The following VPS8 variants were observed in gnomAD, a reference collection of about 807,000 sequenced individuals.
VPS8 encodes vacuolar protein sorting-associated protein 8 homolog.
VPS8 carries 129 observed loss-of-function variants against 216.4 expected under a neutral mutation model. That is an observed-to-expected ratio of 0.60 (90% CI 0.52 to 0.69). The LOEUF (loss-of-function observed/expected upper bound fraction) is 0.69. Ranked by LOEUF, VPS8 falls within the 30% of genes least tolerant of loss-of-function variation. The pLI is 0.00. For synonymous variants in VPS8, 571 were observed against 565.4 expected, an observed-to-expected ratio of 1.01 and a Z score of -0.14; for missense variants, 1,531 against 1,683.5, an observed-to-expected ratio of 0.91 and a Z score of 1.59.
chr3:184,862,348 A>G (rs1382912370), intron 15 of VPS8, among the ~76,000 whole-genome samples: 1 of 152,206 alleles, frequency 6.6e-6, no homozygotes, highest in Non-Finnish European at 1.5e-5. Flanking sequence ...TACTTTTAAC[A>G]TTATAATAGT....
intron 15 of VPS8, among the ~76,000 whole-genome samples, chr3:184,860,371 G>A (rs1173632772): frequency 4.6e-5 from 7 of 150,976 alleles, no homozygotes; most frequent in Admixed American, 6.6e-5. Flanking sequence ...ATATGTGTGT[G>A]TGTATATATA....
chr3:184,842,112 G>T (rs1041980749), intron 7 of VPS8, among the ~76,000 whole-genome samples: 2 of 148,366 alleles, frequency 1.3e-5, no homozygotes, highest in Non-Finnish European at 3.0e-5. Flanking sequence ...GCGTGAACCC[G>T]GGAGGCGGAG....
rs879016009 is a variant in VPS8 at position 184,924,786 on chromosome 3, G to A, written c.2455-76G>A. ...GCGTCTTCAGTCATGAGGCTATCCC[G>A]TCTTCTAATTGTATTTTTTTTTTTT... On this transcript the variant is annotated intron_variant, in intron 29 of 47. Transcript: ENST00000625842. The A allele has an allele frequency of 2.6e-4, 381 of 1,459,890 alleles. 1 individual carries two copies. The highest frequency in any genetic ancestry group is 3.1e-4 in the Non-Finnish European group (341 of 1,113,378). The allele number at this position is 1,459,890 out of a possible 1,614,324, so 90.4% of individuals were successfully genotyped here.
chr3:184,957,217 T>G (rs1176697833), intron 36 of VPS8, among the ~76,000 whole-genome samples, 157 bp from the exon 37 acceptor site: 1 of 152,236 alleles, frequency 6.6e-6, no homozygotes, highest in Non-Finnish European at 1.5e-5. Context: ...TTTGCTCAAG[T>G]AACCTAAATA....
intron 42 of VPS8, among the ~76,000 whole-genome samples, chr3:184,984,312 T>G (rs1356479672): frequency 3.9e-5 from 4 of 102,636 alleles, no homozygotes; most frequent in East Asian, 3.1e-4. Context: ...TTTTTTTTTT[T>G]GAGACAGTTT....
At position 184,966,717 on chromosome 3, in the gene VPS8, A is replaced by G; in HGVS notation, c.3316+4A>G. 1 of 1,580,040 alleles carries G rather than the reference A, an allele frequency of 6.3e-7. No homozygotes were observed. Among genetic ancestry groups the G allele is most frequent in the South Asian group, 1.2e-5 (1 of 84,592 alleles). On this transcript the variant is annotated splice_donor_region_variant and intron_variant, in intron 39 of 47. Transcript: ENST00000625842. ...GAGGTAACACATCAAGGTGAAAGTA[A>G]GTTCTTGAAAATAATTACAACATTT...
chr3:184,983,032 C>A lies in VPS8; in HGVS notation c.3523C>A (p.Gln1175Lys). The A allele has an allele frequency of 1.2e-6, 2 of 1,607,740 alleles. No individual in the cohort carries two copies. Among genetic ancestry groups the A allele is most frequent in the East Asian group, 2.2e-5 (1 of 44,706 alleles). ...HSEALKSLTM[Q>K]VLNSMAAFIA... is the part of the protein sequence containing the mutation. ...AACAGCTCTGAAGTCTTTGACCATG[C>A]AAGTTTTAAATAGCATGGCAGCATT... The change falls in exon 42 of 48, where the codon CAA becomes AAA. Residue 1175 changes from glutamine to lysine, a missense_variant. By Grantham distance (53) the Gln-to-Lys change is moderately conservative. Around this residue, in one of 3 missense-constraint regions of VPS8, gnomAD observed 1,318 missense variants for 1,468.4 expected, o/e 0.90. Transcript: ENST00000625842.
At chr3:185,013,898 C>G (rs1418430169) in intron 45 of VPS8, among the ~76,000 whole-genome samples, 1 of 152,228 alleles carries the variant, frequency 6.6e-6, no homozygotes, top group Non-Finnish European at 1.5e-5. Context: ...AATCGTTGTG[C>G]AGCACCTCTG....
intron 42 of VPS8, among the ~76,000 whole-genome samples, chr3:184,990,557 C>T (rs970571521): frequency 2.0e-5 from 3 of 152,124 alleles, no homozygotes; most frequent in Non-Finnish European, 2.9e-5. Context: ...GCAGATTGAG[C>T]TGGGGATGTA....
At chr3:184,972,687 A>G (rs1199626908) in intron 40 of VPS8, among the ~76,000 whole-genome samples, 1 of 152,248 alleles carries the variant, frequency 6.6e-6, no homozygotes, top group Non-Finnish European at 1.5e-5. Flanking sequence ...GCACAAAAGA[A>G]GAAAACAAAA....
intron 45 of VPS8, among the ~76,000 whole-genome samples, chr3:185,017,641 C>T (rs1420356004): frequency 6.6e-6 from 1 of 152,158 alleles, no homozygotes; most frequent in Non-Finnish European, 1.5e-5. Flanking sequence ...AAAAGTAATC[C>T]TATCGTCCCC....
At chr3:184,847,026 A>T (rs1225522960) in intron 8 of VPS8, among the ~76,000 whole-genome samples, 1 of 152,224 alleles carries the variant, frequency 6.6e-6, no homozygotes, top group Non-Finnish European at 1.5e-5. Context: ...TAAGGAGGAG[A>T]ACAGTCAGAA....
chr3:184,957,441 C>T lies in VPS8; in HGVS notation c.3103C>T (p.Leu1035=). The change falls in exon 37 of 48, where the codon CTG becomes TTG. Residue 1035 remains leucine, a synonymous_variant. Coordinates refer to ENST00000625842, the MANE Select transcript of VPS8 (RefSeq NM_001009921.3). ...TTGTATCACAGAGCAGTTCATTGAG[C>T]TGTTGTGTCAGTTCAACCCAACCCA... The part of the protein sequence containing the change: ...SPCITEQFIE[L]LCQFNPTQVI... 5 of 1,612,608 alleles carry T rather than the reference C, an allele frequency of 3.1e-6. No homozygotes were observed. Among genetic ancestry groups the T allele is most frequent in the Non-Finnish European group, 4.2e-6 (5 of 1,179,282 alleles).
chr3:184,850,513 T>A (rs895684743), intron 10 of VPS8, among the ~76,000 whole-genome samples: 2 of 152,214 alleles, frequency 1.3e-5, no homozygotes, highest in Admixed American at 6.5e-5. Context: ...TAGAAATGAA[T>A]CTATTGGTTT....
At chr3:184,968,389 G>T (rs1246171420) in intron 39 of VPS8, among the ~76,000 whole-genome samples, 1 of 152,110 alleles carries the variant, frequency 6.6e-6, no homozygotes, top group African/African-American at 2.4e-5. Context: ...ATTCTTTTGG[G>T]TATATAACCA....
At chr3:184,817,728 G>T (rs1194988152) in intron 1 of VPS8, among the ~76,000 whole-genome samples, 1 of 152,228 alleles carries the variant, frequency 6.6e-6, no homozygotes, top group African/African-American at 2.4e-5. Flanking sequence ...CAACACAGAT[G>T]TTATTCCTGT....
chr3:185,020,676 A>T (rs997693297), intron 45 of VPS8, among the ~76,000 whole-genome samples: 6 of 152,116 alleles, frequency 3.9e-5, no homozygotes, highest in Non-Finnish European at 7.4e-5. Context: ...TCGCCATGTT[A>T]CCCAGACTGG....
chr3:184,991,995 T>C (rs1751960282), intron 42 of VPS8, among the ~76,000 whole-genome samples: 1 of 152,204 alleles, frequency 6.6e-6, no homozygotes, highest in Non-Finnish European at 1.5e-5. Context: ...ACTACACAAA[T>C]ACATAGTTAT....
chr3:184,954,688 T>C lies in VPS8; in HGVS notation c.3036-2686T>C, dbSNP rs542083512. On this transcript the variant is annotated intron_variant, in intron 36 of 47. Transcript: ENST00000625842. ...TTATTCCTAATTATCTCTGACTTTA[T>C]AGCCCTAGTCCCTGTAGTTTTCAGC... is the stretch of plus-strand genomic sequence containing the variant. Among the ~76,000 whole-genome samples, 12 of 152,344 alleles carry C rather than the reference T, an allele frequency of 7.9e-5. No individual in the cohort carries two copies. In the South Asian group the frequency reaches 1.7e-3, roughly 21 times the overall value.
Sources: gnomAD v4.1 joint callset for allele counts (sites outside exome capture counted in the v4.1 genomes callset) on GRCh38, gnomAD v4.1.1 for gene constraint, gnomAD v4.1.1 regional missense constraint, MANE v1.5 for transcripts, NCBI Gene and HGNC (gene_info 2026-07-23, HGNC 2026-07-21) for gene names.